COBLL1: variants seen among roughly 807,000 people sequenced by gnomAD.
COBLL1 encodes the protein cordon-bleu WH2 repeat protein like 1.
COBLL1 carries 50 observed loss-of-function variants against 94.8 expected under a neutral mutation model. The observed-to-expected ratio is 0.53, with a 90% CI of 0.42 to 0.67. COBLL1 has a LOEUF of 0.67. Among genes scored for constraint, COBLL1 ranks in the 30% least tolerant of loss-of-function variants. The pLI, the probability that COBLL1 is intolerant of heterozygous loss-of-function variation, is 0.00. For synonymous variants in COBLL1, 448 were observed against 473.8 expected, an observed-to-expected ratio of 0.95 and a Z score of 0.71; for missense variants, 1,362 against 1,348.7, an observed-to-expected ratio of 1.01 and a Z score of -0.15.
intron 2 of COBLL1, among the ~76,000 whole-genome samples, chr2:164,780,760 G>A (rs749464012): frequency 3.3e-5 from 5 of 152,112 alleles, no homozygotes; most frequent in South Asian, 2.1e-4. Flanking sequence ...TGGTGCTGCC[G>A]GAGTATCTGC....
chr2:164,756,838 A>C (rs1687433836), intron 2 of COBLL1, among the ~76,000 whole-genome samples: 1 of 152,332 alleles, frequency 6.6e-6, no homozygotes, highest in Admixed American at 6.5e-5. Flanking sequence ...CAAGATTCAG[A>C]GTCAGAGATC....
chr2:164,765,617 G>T (rs1238602953), intron 2 of COBLL1, among the ~76,000 whole-genome samples: 1 of 152,118 alleles, frequency 6.6e-6, no homozygotes, highest in East Asian at 1.9e-4. Context: ...CAAAGCGTTT[G>T]TGACATTTAA....
chr2:164,711,720 A>C (rs1158666411), intron 7 of COBLL1, among the ~76,000 whole-genome samples: 1 of 152,214 alleles, frequency 6.6e-6, no homozygotes, highest in East Asian at 1.9e-4. Flanking sequence ...TTTTACTACC[A>C]ACAAACATTT....
At chr2:164,711,613 T>TG (rs1684904719) in intron 7 of COBLL1, among the ~76,000 whole-genome samples, 1 of 151,340 alleles carries the variant, frequency 6.6e-6, no homozygotes, top group Admixed American at 6.6e-5. Context: ...GAATCAGTGA[T>TG]GAATTCATGG....
chr2:164,668,382 T>C (rs762962360), intron 1 of COBLL1, among the ~76,000 whole-genome samples: 3 of 152,228 alleles, frequency 2.0e-5, no homozygotes, highest in Non-Finnish European at 2.9e-5. Context: ...GTAGGGTTAA[T>C]TGGCCTAGTT....
chr2:164,712,232 T>C (rs1367282070), intron 7 of COBLL1, among the ~76,000 whole-genome samples: 2 of 152,140 alleles, frequency 1.3e-5, no homozygotes, highest in Non-Finnish European at 2.9e-5. Context: ...TGACGTATCC[T>C]GGATTAAAGA....
chr2:164,775,752 C>A (rs1401355902), intron 2 of COBLL1, among the ~76,000 whole-genome samples: 2 of 152,150 alleles, frequency 1.3e-5, no homozygotes, highest in South Asian at 4.1e-4. Context: ...CGGCACCTGG[C>A]CCTTGGTGGT....
At chr2:164,785,635 G>C (rs1019686170) in intron 2 of COBLL1, among the ~76,000 whole-genome samples, 30 of 152,150 alleles carry the variant, frequency 2.0e-4, no homozygotes, top group Admixed American at 9.8e-4. Context: ...ATAGGAGCTA[G>C]AAGTTCCAAA....
At chr2:164,815,392 C>G (rs1436803774) in intron 2 of COBLL1, among the ~76,000 whole-genome samples, 1 of 127,888 alleles carries the variant, frequency 7.8e-6, no homozygotes, top group Non-Finnish European at 1.6e-5. Context: ...GAGTGATATC[C>G]TATCTCAAAA....
At chr2:164,705,223 C>A in intron 7 of COBLL1, 118 bp from the exon 8 acceptor site, 2 of 716,812 alleles carry the variant, frequency 2.8e-6, no homozygotes, top group South Asian at 4.5e-5. Flanking sequence ...AACAGTCATT[C>A]CTTAAAAACG....
intron 2 of COBLL1, among the ~76,000 whole-genome samples, chr2:164,780,298 G>A (rs1036061422): frequency 1.3e-5 from 2 of 152,132 alleles, no homozygotes; most frequent in African/African-American, 2.4e-5. Context: ...TGGCTGACAC[G>A]GAGGGTTCTA....
chr2:164,804,974 T>C (rs78425831), intron 2 of COBLL1, among the ~76,000 whole-genome samples: 1,554 of 152,202 alleles, frequency 0.01, 24 homozygotes, highest in African/African-American at 0.036. Flanking sequence ...GAAGTTCTAG[T>C]GCTTTCTTTC....
intron 1 of COBLL1, among the ~76,000 whole-genome samples, chr2:164,672,700 C>T (rs892713814): frequency 3.9e-5 from 4 of 101,568 alleles, no homozygotes; most frequent in African/African-American, 5.4e-5. Flanking sequence ...AGCGAGACTC[C>T]GTCTCAAAAA....
chr2:164,812,539 G>A (rs896546068), intron 2 of COBLL1, among the ~76,000 whole-genome samples: 1 of 151,962 alleles, frequency 6.6e-6, no homozygotes, highest in Non-Finnish European at 1.5e-5. Flanking sequence ...ACAGACTAAT[G>A]GTTAAGTGAA....
chr2:164,711,460 C>T (rs72878807), intron 7 of COBLL1, among the ~76,000 whole-genome samples: 3,666 of 152,232 alleles, frequency 0.024, 68 homozygotes, highest in East Asian at 0.04. Flanking sequence ...CTCAACAGTG[C>T]CCAATGTTCA....
chr2:164,728,251 CTACAA>C, intron 4 of COBLL1, 54 bp from the exon 5 acceptor site: 1 of 1,092,130 alleles, frequency 9.2e-7, no homozygotes, highest in South Asian at 1.3e-5. Context: ...AACAAACACT[CTACAA>C]TAATGTCTAG....
chr2:164,675,020 A>G (rs1391750440), intron 1 of COBLL1, among the ~76,000 whole-genome samples: 1 of 152,228 alleles, frequency 6.6e-6, no homozygotes, highest in Non-Finnish European at 1.5e-5. Flanking sequence ...ATGACCACTT[A>G]AAAGTTTCAA....
At chr2:164,710,977 G>A (rs944529017) in intron 7 of COBLL1, among the ~76,000 whole-genome samples, 1 of 152,124 alleles carries the variant, frequency 6.6e-6, no homozygotes, top group Non-Finnish European at 1.5e-5. Context: ...CACTATTTCT[G>A]AATCTGAATT....
At chr2:164,771,506 A>T (rs1688202834) in intron 2 of COBLL1, among the ~76,000 whole-genome samples, 1 of 152,074 alleles carries the variant, frequency 6.6e-6, no homozygotes, top group Non-Finnish European at 1.5e-5. Flanking sequence ...TTTGCAAAAC[A>T]TGAAAACTTT....
Sources: gnomAD v4.1 joint callset for allele counts (sites outside exome capture counted in the v4.1 genomes callset) on GRCh38, gnomAD v4.1.1 for gene constraint, MANE v1.5 for transcripts, NCBI Gene and HGNC (gene_info 2026-07-23, HGNC 2026-07-21) for gene names.